The following TMEM201 variants were observed in gnomAD, a reference collection of about 807,000 sequenced individuals.
The protein encoded by TMEM201 is RP13-15M17.2.
A neutral mutation model predicts 63.4 loss-of-function variants in TMEM201; 26 were observed. That is an observed-to-expected ratio of 0.41 (90% CI 0.30 to 0.57). TMEM201 has a LOEUF of 0.57. Ranked by LOEUF, TMEM201 falls within the 20% of genes least tolerant of loss-of-function variation. TMEM201 has a pLI of 0.29. For synonymous variants in TMEM201, 417 were observed against 421.6 expected (o/e 0.99, Z 0.14); for missense variants, 794 against 917.7 (o/e 0.87, Z 1.74).
In TMEM201 at chr1:9,613,871, C is replaced by G. The variant is rs1569971442; in HGVS notation, c.*788C>G. ...CACATGGAACTGCAGGGCAGGCTGG[C>G]GGGGGGCCTTCAGATCTCAGATGAG... is the stretch of plus-strand genomic sequence containing the variant. On this transcript the variant is annotated 3_prime_UTR_variant, in exon 11 of 11. Coordinates refer to ENST00000340381, the MANE Select transcript of TMEM201 (RefSeq NM_001130924.3). 6.6e-6 allele frequency: 1 copy of G among 152,320 alleles called. No homozygotes were observed. Among genetic ancestry groups the G allele is most frequent in the Non-Finnish European group, 1.5e-5 (1 of 68,142 alleles). The allele number at this position is 152,320 out of a possible 1,614,324, so 9.4% of individuals were successfully genotyped here. A position where few individuals can be genotyped will look rare whatever the true frequency, so the allele number is the denominator to read the frequency against.
chr1:9,609,803 C>T, intron 7 of TMEM201, 37 bp from the exon 8 acceptor site: 1 of 1,541,730 alleles, frequency 6.5e-7, no homozygotes, highest in Non-Finnish European at 8.8e-7. Flanking sequence ...ACGTCATCCA[C>T]AGGCCTGACG....
chr1:9,609,185 C>T (rs1291113539), intron 7 of TMEM201, among the ~76,000 whole-genome samples: 1 of 152,168 alleles, frequency 6.6e-6, no homozygotes, highest in Admixed American at 6.5e-5. Flanking sequence ...TCCTTGTGAC[C>T]ACCCTTATCC....
rs114410072 is a variant in TMEM201, at chr1:9,606,904, G to A, written c.1161-653G>A. Among the ~76,000 whole-genome samples the A allele has an allele frequency of 3.0e-3, 460 of 152,308 alleles. 3 individuals carry two copies. The highest frequency in any genetic ancestry group is 0.01 in the African/African-American group (430 of 41,548). Reference sequence around the variant, plus strand: ...TGTCCTGTGAGAGCCTCTTCCAGGGGGTTCCAAGGCCTGGCTGCCCCCCAG... The same window carrying A: ...TGTCCTGTGAGAGCCTCTTCCAGGGAGTTCCAAGGCCTGGCTGCCCCCCAG... On this transcript the variant is annotated intron_variant, in intron 6 of 10. Coordinates refer to ENST00000340381, the MANE Select transcript of TMEM201 (RefSeq NM_001130924.3).
chr1:9,598,813 C>T (rs1644077952), intron 4 of TMEM201, among the ~76,000 whole-genome samples, 188 bp downstream of exon 4: 1 of 151,488 alleles, frequency 6.6e-6, no homozygotes, highest in Non-Finnish European at 1.5e-5. Flanking sequence ...CCACGCCTGG[C>T]TAATTTTGTA....
At chr1:9,594,533 C>G (rs1643979663) in intron 1 of TMEM201, among the ~76,000 whole-genome samples, 3 of 152,228 alleles carry the variant, frequency 2.0e-5, no homozygotes, top group Admixed American at 2.0e-4. Context: ...CGAGCAGTCC[C>G]TTGTGAGGGA....
At chr1:9,594,967 T>C (rs1004163352) in intron 1 of TMEM201, among the ~76,000 whole-genome samples, 1 of 152,220 alleles carries the variant, frequency 6.6e-6, no homozygotes, top group Non-Finnish European at 1.5e-5. Flanking sequence ...CTGCCCACTC[T>C]GGCAGGGGCT....
Position 9,605,549 on chromosome 1 carries a change from C to T in TMEM201, c.1161-2008C>T, listed in dbSNP as rs988709227. Among the ~76,000 whole-genome samples the T allele has an allele frequency of 5.3e-5, 8 of 152,238 alleles. No individual in the cohort carries two copies. The highest frequency in any genetic ancestry group is 8.8e-5 in the Non-Finnish European group (6 of 68,044). On this transcript the variant is annotated intron_variant, in intron 6 of 10. Transcript: ENST00000340381. This position sits in a 1 kb window ranked among gnomAD's most constrained non-coding sequence, Gnocchi z 5.7. Reference sequence around the variant, plus strand: ...TTTAGCTGGCGGAGGCTCGCTGGGGCGCCTGTACAGAGCCCAGCCCCTCAT... The same window carrying T: ...TTTAGCTGGCGGAGGCTCGCTGGGGTGCCTGTACAGAGCCCAGCCCCTCAT...
intron 6 of TMEM201, chr1:9,602,884 C>T (rs1644172876): frequency 1.6e-5 from 16 of 985,656 alleles, no homozygotes; most frequent in Non-Finnish European, 1.9e-5. Context: ...TGAAGGAGGC[C>T]GAGCTGCAGC....
rs761269728 is a variant in TMEM201, at chr1:9,604,495, C to G, written c.1160+2223C>G. ...GGCAACAGCTGAGAGAGTGCAGGCA[C>G]CACTGTGTTGTGGCTTGTTGACCGG... is the stretch of plus-strand genomic sequence containing the variant. On this transcript the variant is annotated intron_variant, in intron 6 of 10. Coordinates refer to ENST00000340381, the MANE Select transcript of TMEM201 (RefSeq NM_001130924.3). The surrounding 1 kb of genome is among the most constrained non-coding windows in gnomAD (Gnocchi z 4.1). The G allele has an allele frequency of 1.2e-4, 122 of 985,378 alleles. No individual in the cohort carries two copies. The highest frequency in any genetic ancestry group is 1.3e-4 in the Non-Finnish European group (112 of 829,952). 61.0% of individuals were successfully genotyped at this position (985,378 alleles called of 1,614,324 possible). A position where few individuals can be genotyped will look rare whatever the true frequency, so the allele number is the denominator to read the frequency against.
At chr1:9,594,096 C>G (rs1408406369) in intron 1 of TMEM201, among the ~76,000 whole-genome samples, 1 of 152,256 alleles carries the variant, frequency 6.6e-6, no homozygotes, top group Non-Finnish European at 1.5e-5. Context: ...CCTGTAGGAT[C>G]CTCACAGTGG....
chr1:9,603,754 TC>T lies in TMEM201; in HGVS notation c.1160+1485del. The T allele has an allele frequency of 1.0e-6, 1 of 985,328 alleles. No homozygotes were observed. Among genetic ancestry groups the T allele is most frequent in the Non-Finnish European group, 1.2e-6 (1 of 829,900 alleles). The allele number at this position is 985,328 out of a possible 1,614,324, so 61.0% of individuals were successfully genotyped here. ...CCCAGTGATTGGGTAGCAGCTCACA[TC>T]CCACCCAGCTTCACAAGTGAGGAAC... On this transcript the variant is annotated intron_variant, in intron 6 of 10. Transcript: ENST00000340381. The surrounding 1 kb of genome is among the most constrained non-coding windows in gnomAD (Gnocchi z 4.5).
rs1644140408 is a variant in TMEM201 at position 9,601,449 on chromosome 1, C to T, written c.951C>T (p.Arg317=). The stretch of plus-strand genomic sequence containing the variant: ...TGCTGGCAATGCTGCTGGCTGGCCG[C>T]ATCAGGTGTGCATGGGGCCAGGGCC... ...TCLLAMLLAG[R]IRLRRIDAFC... The change falls in exon 5 of 11, where the codon CGC becomes CGT. Residue 317 remains arginine, a synonymous_variant. Transcript: ENST00000340381. 2.5e-6 allele frequency: 4 copies of T among 1,583,178 alleles called. No individual in the cohort carries two copies. The East Asian group carries it at 9.0e-5, about 36-fold the overall frequency.
At position 9,613,343 on chromosome 1, in the gene TMEM201, C is replaced by T; in HGVS notation, c.*260C>T. 2 of 544,392 alleles carry T rather than the reference C, an allele frequency of 3.7e-6. No homozygotes were observed. Among genetic ancestry groups the T allele is most frequent in the South Asian group, 4.6e-5 (2 of 43,422 alleles). 33.7% of individuals were successfully genotyped at this position (544,392 alleles called of 1,614,324 possible). On this transcript the variant is annotated 3_prime_UTR_variant, in exon 11 of 11. Transcript: ENST00000340381. ...TTGTGTTTGGTGCTGACACTCTGATCCCGAAGCCAGGGAGCCCCAAGGGGC... is the reference window on the plus strand; with the variant it reads ...TTGTGTTTGGTGCTGACACTCTGATTCCGAAGCCAGGGAGCCCCAAGGGGC...
At position 9,607,613 on chromosome 1, in the gene TMEM201, C is replaced by G. The variant is rs1284145780; in HGVS notation, c.1217C>G (p.Pro406Arg). 4 of 1,551,718 alleles carry G rather than the reference C, an allele frequency of 2.6e-6. No individual in the cohort carries two copies. In the African/African-American group the frequency reaches 4.1e-5, roughly 16 times the overall value. ...LFPTSPSLAI[P>R]HPSVGGSPAS... ...CCCACCAGCCCCAGCTTGGCCATCC[C>G]TCACCCGAGTGTCGGAGGCTCTCCA... The change falls in exon 7 of 11, where the codon CCT (proline) becomes CGT (arginine). Residue 406 changes from proline (P) to arginine (R), a missense_variant. Transcript: ENST00000340381. The surrounding 1 kb of genome is among the most constrained non-coding windows in gnomAD (Gnocchi z 5.4).
At chr1:9,611,275 G>C (rs1361655408) in intron 9 of TMEM201, among the ~76,000 whole-genome samples, 1 of 150,224 alleles carries the variant, frequency 6.7e-6, no homozygotes, top group African/African-American at 2.5e-5. Flanking sequence ...TTGGCTCACT[G>C]CAACCTCCTC....
chr1:9,599,395 G>A (rs912802380), intron 4 of TMEM201, among the ~76,000 whole-genome samples: 3 of 144,828 alleles, frequency 2.1e-5, no homozygotes, highest in African/African-American at 7.7e-5. Context: ...TTACAGGCAC[G>A]CATCACCACA....
intron 1 of TMEM201, among the ~76,000 whole-genome samples, chr1:9,594,663 C>G (rs1643982502): frequency 6.6e-6 from 1 of 152,228 alleles, no homozygotes; most frequent in African/African-American, 2.4e-5. Flanking sequence ...GGGAGCCCTG[C>G]TTCCCAGGGC....
At chr1:9,611,152 C>G in intron 9 of TMEM201, 1 of 959,316 alleles carries the variant, frequency 1.0e-6, no homozygotes, top group South Asian at 1.5e-5. Context: ...TAGCCCCCAG[C>G]CTTTAAAACC....
chr1:9,600,972 G>A, intron 4 of TMEM201, 133 bp from the exon 5 acceptor site: 1 of 723,974 alleles, frequency 1.4e-6, no homozygotes, highest in Non-Finnish European at 2.3e-6. Flanking sequence ...GAACTGAGTG[G>A]TGAGTTTTTG....
Sources: allele counts gnomAD v4.1 joint callset (sites outside exome capture counted in the v4.1 genomes callset), GRCh38; gene constraint gnomAD v4.1.1; non-coding constraint Gnocchi (gnomAD v3.1); transcripts MANE v1.5; gene names NCBI Gene and HGNC (gene_info 2026-07-23, HGNC 2026-07-21).